The following PCBD2 variants were observed in gnomAD, a reference collection of about 807,000 sequenced individuals.
PCBD2 encodes the protein pterin-4-alpha-carbinolamine dehydratase 2.
A neutral mutation model predicts 16.4 loss-of-function variants in PCBD2; 12 were observed. The observed-to-expected ratio is 0.73, with a 90% CI of 0.47 to 1.19. The LOEUF is 1.19. PCBD2 is among the 50% of genes most tolerant of loss of function. The probability of loss-of-function intolerance (pLI) is 0.00; values close to 1 mark genes in which losing one functional copy is unlikely to be tolerated. For synonymous variants in PCBD2, 58 were observed against 61.8 expected (o/e 0.94, Z 0.29); for missense variants, 138 against 156.8 (o/e 0.88, Z 0.64).
intron 2 of PCBD2, among the ~76,000 whole-genome samples, chr5:134,954,570 T>C (rs1662767703): frequency 6.6e-6 from 1 of 152,222 alleles, no homozygotes; most frequent in Non-Finnish European, 1.5e-5. Context: ...TGATAATTAT[T>C]CCCTGACTTA....
intron 2 of PCBD2, among the ~76,000 whole-genome samples, chr5:134,939,711 G>T (rs1357947128): frequency 6.6e-6 from 1 of 152,108 alleles, no homozygotes; most frequent in Non-Finnish European, 1.5e-5. Context: ...CTGTGACTTG[G>T]GGTCTGCCTC....
At chr5:134,944,243 G>A (rs776409647) in intron 2 of PCBD2, among the ~76,000 whole-genome samples, 12 of 152,190 alleles carry the variant, frequency 7.9e-5, no homozygotes, top group Non-Finnish European at 1.6e-4. Context: ...GCATGTGTGA[G>A]GAGGGTGAAG....
At chr5:134,953,132 A>G (rs1023591599) in intron 2 of PCBD2, among the ~76,000 whole-genome samples, 1 of 151,294 alleles carries the variant, frequency 6.6e-6, no homozygotes, top group African/African-American at 2.4e-5. Flanking sequence ...GATTGGTTGG[A>G]TTTATGTTCT....
At chr5:134,913,864 G>A (rs1243491965) in intron 2 of PCBD2, among the ~76,000 whole-genome samples, 2 of 152,166 alleles carry the variant, frequency 1.3e-5, no homozygotes, top group Non-Finnish European at 2.9e-5. Flanking sequence ...ATGGCACCAA[G>A]GTTTTGGTTC....
At chr5:134,907,697 A>G (rs188012182) in intron 1 of PCBD2, among the ~76,000 whole-genome samples, 306 of 139,544 alleles carry the variant, frequency 2.2e-3, no homozygotes, top group Middle Eastern at 6.9e-3. Flanking sequence ...ATCTCGGCTC[A>G]CTGCAACCTC....
chr5:134,913,840 G>A (rs1266087339), intron 2 of PCBD2, among the ~76,000 whole-genome samples: 1 of 152,172 alleles, frequency 6.6e-6, no homozygotes, highest in Non-Finnish European at 1.5e-5. Flanking sequence ...ATGTGTGATA[G>A]GGGAGGGTCA....
At chr5:134,914,958 C>A (rs1010421684) in intron 2 of PCBD2, among the ~76,000 whole-genome samples, 2 of 152,158 alleles carry the variant, frequency 1.3e-5, no homozygotes, top group Non-Finnish European at 2.9e-5. Context: ...CAGGCATGAG[C>A]CACTGCACCC....
intron 2 of PCBD2, chr5:134,923,429 G>T (rs1214945462): frequency 4.5e-6 from 1 of 221,820 alleles, no homozygotes; most frequent in South Asian, 1.7e-4. Flanking sequence ...TTCCTAGGGG[G>T]TTGTTTGATC....
intron 2 of PCBD2, among the ~76,000 whole-genome samples, chr5:134,956,057 A>G (rs1751411454): frequency 6.6e-6 from 1 of 152,178 alleles, no homozygotes; most frequent in African/African-American, 2.4e-5. Flanking sequence ...TTAAAAATAC[A>G]TATTTTGGGG....
Position 134,961,573 on chromosome 5 carries a change from C to T in PCBD2, c.*892C>T, listed in dbSNP as rs536358545. 3.3e-5 allele frequency among the ~76,000 whole-genome samples: 5 copies of T among 152,226 alleles called. No homozygotes were observed. The highest frequency in any genetic ancestry group is 1.3e-4 in the Admixed American group (2 of 15,298). The stretch of plus-strand genomic sequence containing the variant: ...TGTTGGGATCACAGGCATGAGCCAC[C>T]GCGCTTGGCCAGAAGTGGCATTCTT... On this transcript the variant is annotated 3_prime_UTR_variant, in exon 4 of 4. Transcript: ENST00000254908.
At chr5:134,936,124 T>A (rs1751156372) in intron 2 of PCBD2, among the ~76,000 whole-genome samples, 1 of 152,254 alleles carries the variant, frequency 6.6e-6, no homozygotes, top group African/African-American at 2.4e-5. Context: ...CATTAATAAC[T>A]GATGTGGAAC....
intron 2 of PCBD2, among the ~76,000 whole-genome samples, chr5:134,946,582 A>C (rs1448316716): frequency 2.0e-5 from 3 of 152,266 alleles, no homozygotes; most frequent in Non-Finnish European, 2.9e-5. Flanking sequence ...AGCAAAAGAA[A>C]GGATAAACAT....
intron 2 of PCBD2, among the ~76,000 whole-genome samples, chr5:134,944,964 A>G (rs936797909): frequency 1.3e-5 from 2 of 152,232 alleles, no homozygotes; most frequent in East Asian, 3.8e-4. Context: ...TTGTTACAGT[A>G]TGTTTCATCC....
At chr5:134,913,546 G>T (rs768516558) in intron 2 of PCBD2, among the ~76,000 whole-genome samples, 6 of 152,188 alleles carry the variant, frequency 3.9e-5, no homozygotes, top group Non-Finnish European at 7.4e-5. Flanking sequence ...CCTTCTTGGC[G>T]TGGTGAGGAG....
At chr5:134,938,209 G>T (rs1368506739) in intron 2 of PCBD2, among the ~76,000 whole-genome samples, 2 of 152,098 alleles carry the variant, frequency 1.3e-5, no homozygotes, top group Non-Finnish European at 2.9e-5. Flanking sequence ...CTACGATGTC[G>T]CTGCCTTTTG....
intron 2 of PCBD2, chr5:134,924,830 TAAG>T (rs1750964531): frequency 2.5e-6 from 1 of 392,232 alleles, no homozygotes; most frequent in Non-Finnish European, 4.5e-6. Flanking sequence ...TTTTGGCTTG[TAAG>T]AAGGCCTAGA....
intron 2 of PCBD2, among the ~76,000 whole-genome samples, chr5:134,918,680 T>C (rs1750863446): frequency 6.6e-6 from 1 of 152,082 alleles, no homozygotes; most frequent in Non-Finnish European, 1.5e-5. Context: ...CCTGAGAAAG[T>C]GTTCATAGTT....
At chr5:134,950,060 A>G (rs999138280) in intron 2 of PCBD2, among the ~76,000 whole-genome samples, 10 of 152,216 alleles carry the variant, frequency 6.6e-5, no homozygotes, top group Non-Finnish European at 1.5e-4. Context: ...TGATTTATGT[A>G]ATAGTGTTTT....
At chr5:134,916,661 G>C (rs1750836832) in intron 2 of PCBD2, among the ~76,000 whole-genome samples, 1 of 152,196 alleles carries the variant, frequency 6.6e-6, no homozygotes, top group Non-Finnish European at 1.5e-5. Context: ...CTAAGGTATG[G>C]TTAGTTCCAA....
Sources: allele counts gnomAD v4.1 joint callset (sites outside exome capture counted in the v4.1 genomes callset), GRCh38; gene constraint gnomAD v4.1.1; transcripts MANE v1.5; gene names NCBI Gene and HGNC (gene_info 2026-07-23, HGNC 2026-07-21).